The following STOML3 variants were observed in gnomAD, a reference collection of about 807,000 sequenced individuals.
STOML3 encodes the protein stomatin like 3.
A neutral mutation model predicts 29.5 loss-of-function variants in STOML3; 31 were observed. The observed-to-expected ratio is 1.05, with a 90% confidence interval of 0.79 to 1.42. The LOEUF (loss-of-function observed/expected upper bound fraction) is 1.42. STOML3 is among the 40% of genes most tolerant of loss of function. The probability of loss-of-function intolerance (pLI) is 0.00; values close to 1 mark genes in which losing one functional copy is unlikely to be tolerated. For missense variants in STOML3, 380 were observed against 363.0 expected (o/e 1.05, Z -0.38); for synonymous variants, 122 against 139.8 (o/e 0.87, Z 0.90).
chr13:38,977,564 A>G (rs1881124661), intron 1 of STOML3, among the ~76,000 whole-genome samples: 1 of 152,048 alleles, frequency 6.6e-6, no homozygotes, highest in Admixed American at 6.6e-5. Context: ...CTTTTCATAA[A>G]AGTTTTGTTA....
At chr13:38,981,027 G>T (rs1881251988) in intron 1 of STOML3, among the ~76,000 whole-genome samples, 4 of 152,136 alleles carry the variant, frequency 2.6e-5, no homozygotes, top group Admixed American at 2.6e-4. Context: ...AAAGAAAAAG[G>T]TAGAGCCATC....
chr13:38,966,794 C>A lies in STOML3; in HGVS notation c.*31G>T. 1 of 1,580,166 alleles carries A rather than the reference C, an allele frequency of 6.3e-7. No homozygotes were observed. Among genetic ancestry groups the A allele is most frequent in the South Asian group, 1.1e-5 (1 of 90,142 alleles). ...TCTCCATAGGAATAGACACCACTCTCTATGCAATAGCTGACTACCGCAAGA... is the reference window on the plus strand; with the variant it reads ...TCTCCATAGGAATAGACACCACTCTATATGCAATAGCTGACTACCGCAAGA... On this transcript the variant is annotated 3_prime_UTR_variant, in exon 7 of 7. Transcript: ENST00000379631.
chr13:38,983,961 A>C (rs1181155886), intron 1 of STOML3, among the ~76,000 whole-genome samples: 1 of 152,180 alleles, frequency 6.6e-6, no homozygotes, highest in African/African-American at 2.4e-5. Flanking sequence ...TTAAGAATAT[A>C]CACCTTGCCA....
In STOML3 at chr13:38,990,678, T is replaced by C; in HGVS notation, c.44A>G (p.Asn15Ser). The stretch of plus-strand genomic sequence containing the variant: ...AGGAAAAAGGAACTTACCCACGAAA[T>C]TCTCTTTATCTTGCTTCTCAGGTGA... ...VSSPEKQDKE[N>S]FVGVNNKRLG... is the part of the protein sequence containing the mutation. The change falls in exon 1 of 7, where the codon AAT (asparagine) becomes AGT (serine). Residue 15 changes from asparagine (N) to serine (S), a missense_variant. Transcript: ENST00000379631. 1.9e-6 allele frequency: 3 copies of C among 1,613,962 alleles called. No individual in the cohort carries two copies. The highest frequency in any genetic ancestry group is 8.5e-7 in the Non-Finnish European group (1 of 1,179,900).
Position 38,976,738 on chromosome 13 carries a change from A to C in STOML3, c.112T>G (p.Leu38Val). 1 of 1,614,174 alleles carries C rather than the reference A, an allele frequency of 6.2e-7. No homozygotes were observed. The highest frequency in any genetic ancestry group is 8.5e-7 in the Non-Finnish European group (1 of 1,180,010). The change falls in exon 2 of 7, where the codon TTG becomes GTG. Residue 38 changes from leucine to valine, a missense_variant. Transcript: ENST00000379631. ...GAGATGGGGAAGGTAATGATCACCA[A>C]CAGGAAAGAGAGGGAAAACAGGATC... ...GWILFSLSFL[L>V]VIITFPISIW...
At position 38,970,189 on chromosome 13, in the gene STOML3, A is replaced by G. The variant is rs753982909; in HGVS notation, c.512T>C (p.Ile171Thr). The change falls in exon 5 of 7, where the codon ATC (isoleucine) becomes ACC (threonine). Residue 171 changes from isoleucine to threonine, a missense_variant. Transcript: ENST00000379631. ...ATTAGTTCATGGTGTCTTTACCTGG[A>G]TGCTATGGGCGATCTCTTCTCGTCC... ...LAGREEIAHS[I>T]QTLLDDATEL... 2 of 1,611,966 alleles carry G rather than the reference A, an allele frequency of 1.2e-6. No individual in the cohort carries two copies. Among genetic ancestry groups the G allele is most frequent in the East Asian group, 4.5e-5 (2 of 44,810 alleles).
At chr13:38,971,232 C>T (rs1880855804) in intron 4 of STOML3, among the ~76,000 whole-genome samples, 1 of 152,098 alleles carries the variant, frequency 6.6e-6, no homozygotes, top group Non-Finnish European at 1.5e-5. Context: ...GAGGTTTCGC[C>T]ATGTTGGCCA....
chr13:38,967,226 G>C (rs1174500270), intron 6 of STOML3, among the ~76,000 whole-genome samples, 177 bp from the exon 7 acceptor site: 1 of 152,100 alleles, frequency 6.6e-6, no homozygotes, highest in South Asian at 2.1e-4. Flanking sequence ...GAAATTCAAG[G>C]AGGTTGCAGG....
intron 1 of STOML3, among the ~76,000 whole-genome samples, chr13:38,979,610 C>T (rs1881205228): frequency 2.0e-5 from 3 of 152,308 alleles, no homozygotes; most frequent in Non-Finnish European, 2.9e-5. Context: ...ATTACCTACT[C>T]ATCTACCTCA....
At chr13:38,976,863 G>A (rs1881100486) in intron 1 of STOML3, 66 bp from the exon 2 acceptor site, 2 of 1,395,696 alleles carry the variant, frequency 1.4e-6, no homozygotes, top group South Asian at 1.2e-5. Flanking sequence ...CCAGCTGCAT[G>A]GGTGTGGAAC....
At chr13:38,982,056 T>A (rs1390378458) in intron 1 of STOML3, among the ~76,000 whole-genome samples, 1 of 152,170 alleles carries the variant, frequency 6.6e-6, no homozygotes, top group Non-Finnish European at 1.5e-5. Context: ...GGTGTATTCA[T>A]ATTCAAAGGA....
At chr13:38,973,891 C>T (rs1040672490) in intron 3 of STOML3, among the ~76,000 whole-genome samples, 1 of 152,160 alleles carries the variant, frequency 6.6e-6, no homozygotes, top group Admixed American at 6.5e-5. Flanking sequence ...TGACTGCCAA[C>T]ATTCTCAGTC....
At chr13:38,974,094 A>C (rs1196944201) in intron 3 of STOML3, among the ~76,000 whole-genome samples, 1 of 152,154 alleles carries the variant, frequency 6.6e-6, no homozygotes, top group Non-Finnish European at 1.5e-5. Flanking sequence ...GGGTCAGGGA[A>C]GGATGGGCAT....
chr13:38,983,916 A>G (rs1403490912), intron 1 of STOML3, among the ~76,000 whole-genome samples: 1 of 152,236 alleles, frequency 6.6e-6, no homozygotes, highest in African/African-American at 2.4e-5. Context: ...AGGTGTAAAA[A>G]TAATGCATTG....
chr13:38,971,249 T>C (rs1294850537), intron 4 of STOML3, among the ~76,000 whole-genome samples: 4 of 152,112 alleles, frequency 2.6e-5, no homozygotes, highest in Admixed American at 2.6e-4. Flanking sequence ...GCCAGGCTGG[T>C]CTTGAACTCC....
rs1346369425 is a variant in STOML3, at chr13:38,970,214, C to T, written c.487G>A (p.Gly163Arg). 1 of 1,613,742 alleles carries T rather than the reference C, an allele frequency of 6.2e-7. No homozygotes were observed. The highest frequency in any genetic ancestry group is 1.7e-5 in the Admixed American group (1 of 60,010). ...GTQTLSQILAGREEIAHSIQT... is the reference protein window; with the variant it reads ...GTQTLSQILARREEIAHSIQT... ...ATGCTATGGGCGATCTCTTCTCGTC[C>T]AGCTAAGATCTGGGACAAGGTCTGT... Residue 163 changes from glycine to arginine, a missense_variant, in exon 5 of 7, where the codon GGA becomes AGA. Coordinates refer to ENST00000379631, the MANE Select transcript of STOML3 (RefSeq NM_145286.3).
intron 1 of STOML3, among the ~76,000 whole-genome samples, chr13:38,982,008 C>G (rs1881282265): frequency 6.6e-6 from 1 of 151,966 alleles, no homozygotes; most frequent in Non-Finnish European, 1.5e-5. Context: ...TGAAGTTTGC[C>G]CAAATCCATC....
intron 1 of STOML3, among the ~76,000 whole-genome samples, chr13:38,986,180 C>T (rs969024452): frequency 2.0e-5 from 3 of 150,674 alleles, no homozygotes; most frequent in African/African-American, 4.9e-5. Context: ...GATAACAGAA[C>T]GGCACCACCA....
intron 1 of STOML3, among the ~76,000 whole-genome samples, chr13:38,978,658 G>A (rs1881176579): frequency 6.6e-6 from 1 of 152,094 alleles, no homozygotes; most frequent in South Asian, 2.1e-4. Context: ...CTTTGCCCAG[G>A]TTAGGCAGGT....
Sources: allele counts gnomAD v4.1 joint callset (sites outside exome capture counted in the v4.1 genomes callset), GRCh38; gene constraint gnomAD v4.1.1; transcripts MANE v1.5; gene names NCBI Gene and HGNC (gene_info 2026-07-23, HGNC 2026-07-21).